Variants in PACRG observed in about 807,000 individuals in gnomAD.
PACRG encodes parkin coregulated gene protein.
PACRG carries 29 observed loss-of-function variants against 29.7 expected under a neutral mutation model. The ratio of observed to expected loss-of-function variants is 0.98; its 90% CI spans 0.73 to 1.33. The LOEUF is 1.33. Ranked by LOEUF, PACRG falls within the 40% of genes most tolerant of loss-of-function variation. The probability of loss-of-function intolerance (pLI) is 0.00; values close to 1 mark genes in which losing one functional copy is unlikely to be tolerated. For missense variants in PACRG, 279 were observed against 316.2 expected (o/e 0.88, Z 0.89); for synonymous variants, 116 against 118.7 (o/e 0.98, Z 0.15).
intron 4 of PACRG, among the ~76,000 whole-genome samples, chr6:163,123,620 C>T (rs1176575848): frequency 6.6e-6 from 1 of 152,200 alleles, no homozygotes; most frequent in Non-Finnish European, 1.5e-5. Flanking sequence ...TCTTGTGTAA[C>T]TGTAATTTGA....
At chr6:163,242,892 A>G (rs1300751843) in intron 4 of PACRG, among the ~76,000 whole-genome samples, 7 of 152,256 alleles carry the variant, frequency 4.6e-5, no homozygotes, top group Non-Finnish European at 5.9e-5. Context: ...CTAAACCAAC[A>G]TTTAAATGGG....
intron 2 of PACRG, among the ~76,000 whole-genome samples, chr6:162,946,149 A>G (rs1231732105): frequency 6.6e-6 from 1 of 152,064 alleles, no homozygotes; most frequent in Non-Finnish European, 1.5e-5. Flanking sequence ...GGAAAGAAAT[A>G]ATAAAGGCCA....
chr6:163,031,989 T>G (rs1452538370), intron 2 of PACRG, among the ~76,000 whole-genome samples: 1 of 152,220 alleles, frequency 6.6e-6, no homozygotes, highest in East Asian at 1.9e-4. Flanking sequence ...AATAACCAGT[T>G]TCTCCAATTG....
At chr6:162,940,629 T>A (rs1562757473) in intron 2 of PACRG, among the ~76,000 whole-genome samples, 1 of 152,208 alleles carries the variant, frequency 6.6e-6, no homozygotes, top group Non-Finnish European at 1.5e-5. Flanking sequence ...AAGTCCCACG[T>A]GAAGCTCTCC....
chr6:163,279,401 C>A (rs1784154329), intron 4 of PACRG, among the ~76,000 whole-genome samples: 1 of 152,162 alleles, frequency 6.6e-6, no homozygotes, highest in African/African-American at 2.4e-5. Context: ...ATTTTACATT[C>A]CCTATTGCAA....
At chr6:163,256,474 G>A (rs181627160) in intron 4 of PACRG, among the ~76,000 whole-genome samples, 2 of 152,292 alleles carry the variant, frequency 1.3e-5, no homozygotes, top group African/African-American at 4.8e-5. Context: ...AAACAAAGAA[G>A]GGGAATAGAA....
chr6:163,239,578 T>C (rs1323567149), intron 4 of PACRG, among the ~76,000 whole-genome samples: 1 of 151,960 alleles, frequency 6.6e-6, no homozygotes, highest in African/African-American at 2.4e-5. Flanking sequence ...ACCCCTGTCC[T>C]TCTTAACATC....
chr6:163,198,852 G>A (rs1017544230), intron 4 of PACRG, among the ~76,000 whole-genome samples: 1 of 152,166 alleles, frequency 6.6e-6, no homozygotes, highest in Non-Finnish European at 1.5e-5. Context: ...GTTTTAGGGA[G>A]ACACGAGACA....
chr6:163,092,530 T>C (rs1455608099), intron 4 of PACRG, among the ~76,000 whole-genome samples: 1 of 152,218 alleles, frequency 6.6e-6, no homozygotes, highest in Non-Finnish European at 1.5e-5. Context: ...AATTAGGCTA[T>C]AGTTAAAACA....
intron 2 of PACRG, among the ~76,000 whole-genome samples, chr6:162,984,240 A>T (rs1178256124): frequency 6.6e-6 from 1 of 151,870 alleles, no homozygotes; most frequent in Non-Finnish European, 1.5e-5. Flanking sequence ...CTCATAGCTT[A>T]CCTCCCACAT....
At chr6:162,781,085 C>T (rs1051272334) in intron 1 of PACRG, among the ~76,000 whole-genome samples, 3 of 151,712 alleles carry the variant, frequency 2.0e-5, no homozygotes, top group Admixed American at 6.6e-5. Context: ...GACACCAAGG[C>T]CCATTATAAT....
intron 4 of PACRG, among the ~76,000 whole-genome samples, chr6:163,192,963 A>G (rs1380895503): frequency 2.0e-5 from 3 of 152,190 alleles, no homozygotes; most frequent in Non-Finnish European, 4.4e-5. Context: ...ACCATTCTAC[A>G]ACCCTTAAAC....
intron 4 of PACRG, among the ~76,000 whole-genome samples, chr6:163,264,314 C>A (rs1783446121): frequency 6.6e-6 from 1 of 152,214 alleles, no homozygotes; most frequent in East Asian, 1.9e-4. Context: ...TTCTGCATCT[C>A]CTGCTTATCC....
chr6:162,851,314 C>T (rs940235986), intron 2 of PACRG, among the ~76,000 whole-genome samples: 1 of 152,188 alleles, frequency 6.6e-6, no homozygotes, highest in African/African-American at 2.4e-5. Context: ...CCTGCTGTCT[C>T]TTCACCCACA....
intron 1 of PACRG, among the ~76,000 whole-genome samples, chr6:162,799,616 G>A (rs1470519605): frequency 6.6e-6 from 1 of 151,864 alleles, no homozygotes; most frequent in East Asian, 1.9e-4. Context: ...GTGCGATGAT[G>A]GGAAAGTGGG....
intron 2 of PACRG, among the ~76,000 whole-genome samples, chr6:162,937,578 A>T (rs1342782534): frequency 6.6e-6 from 1 of 152,094 alleles, no homozygotes; most frequent in Non-Finnish European, 1.5e-5. Flanking sequence ...GAATTAGGAG[A>T]TCTCTCATTC....
chr6:163,308,405 C>T (rs1464890453), intron 4 of PACRG, among the ~76,000 whole-genome samples: 3 of 152,184 alleles, frequency 2.0e-5, no homozygotes, highest in Non-Finnish European at 4.4e-5. Context: ...GTGGCTCACG[C>T]CTGTGATCCC....
At chr6:163,171,313 C>T (rs1779072824) in intron 4 of PACRG, among the ~76,000 whole-genome samples, 2 of 152,294 alleles carry the variant, frequency 1.3e-5, no homozygotes, top group Admixed American at 1.3e-4. Flanking sequence ...AAGAGAGCAT[C>T]CCCACATTGC....
chr6:162,766,177 A>G (rs965359998), intron 1 of PACRG, among the ~76,000 whole-genome samples: 11 of 152,138 alleles, frequency 7.2e-5, no homozygotes, highest in Admixed American at 2.0e-4. Flanking sequence ...TACTCCTGCT[A>G]CCTATCTGAA....
Sources: allele counts gnomAD v4.1 joint callset (sites outside exome capture counted in the v4.1 genomes callset), GRCh38; gene constraint gnomAD v4.1.1; transcripts MANE v1.5; gene names NCBI Gene and HGNC (gene_info 2026-07-23, HGNC 2026-07-21).